GNAS: variants seen among roughly 807,000 people sequenced by gnomAD.
The protein encoded by GNAS is protein ALEX.
GNAS carries 8 observed loss-of-function variants against 54.5 expected under a neutral mutation model. That is an observed-to-expected ratio of 0.15 (90% confidence interval 0.09 to 0.26). The LOEUF is 0.26. Among genes scored for constraint, GNAS ranks in the 10% least tolerant of loss-of-function variants. The pLI is 1.00. For synonymous variants in GNAS, 204 were observed against 191.4 expected (o/e 1.07, Z -0.54); for missense variants, 170 against 529.8 (o/e 0.32, Z 6.67).
At chr20:58,896,628 AAAAAAAG>A (rs2090079839) in intron 2 of GNAS, among the ~76,000 whole-genome samples, 1 of 152,046 alleles carries the variant, frequency 6.6e-6, no homozygotes, top group African/African-American at 2.4e-5. Flanking sequence ...GTGTAAAAAA[AAAAAAAG>A]AAAAAGAAAA....
chr20:58,840,008 A>T (rs1006783741), upstream of GNAS: 1 of 1,392,096 alleles, frequency 7.2e-7, no homozygotes, highest in Non-Finnish European at 1.0e-6. The surrounding 1 kb of genome is among the most constrained non-coding windows in gnomAD (Gnocchi z 6.0). Flanking sequence ...TTCTCACCTC[A>T]TAGGGTGTAC....
chr20:58,892,772 A>G (rs2089599091), intron 1 of GNAS, among the ~76,000 whole-genome samples: 1 of 151,994 alleles, frequency 6.6e-6, no homozygotes, highest in African/African-American at 2.4e-5. Context: ...GTGCCCAGTG[A>G]AGCCAAATGA....
At chr20:58,893,576 T>G (rs1335526000) in intron 1 of GNAS, among the ~76,000 whole-genome samples, 1 of 152,236 alleles carries the variant, frequency 6.6e-6, no homozygotes, top group Non-Finnish European at 1.5e-5. Flanking sequence ...TTTGTTCTCC[T>G]GGGTCCAGAT....
At chr20:58,855,626 G>A in intron 1 of GNAS, 1 of 716,956 alleles carries the variant, frequency 1.4e-6, no homozygotes, top group Non-Finnish European at 2.6e-6. Context: ...ACCGTAAGCT[G>A]GACAGGCAGG....
intron 2 of GNAS, among the ~76,000 whole-genome samples, chr20:58,896,111 C>G (rs2090027985): frequency 6.6e-6 from 1 of 152,160 alleles, no homozygotes; most frequent in African/African-American, 2.4e-5. Flanking sequence ...CCACCTCACG[C>G]AGATTTCAAT....
rs776807458 is a variant in GNAS, at chr20:58,909,600, C to A, written c.718+21C>A. The A allele has an allele frequency of 1.9e-6, 3 of 1,613,954 alleles. No individual in the cohort carries two copies. In the East Asian group the frequency reaches 6.7e-5, roughly 36 times the overall value. On this transcript the variant is annotated intron_variant, in intron 9 of 12. Coordinates refer to ENST00000371085, the MANE Select transcript of GNAS (RefSeq NM_000516.7). This position sits in a 1 kb window ranked among gnomAD's most constrained non-coding sequence, Gnocchi z 7.3. ...CAACGGTAGGATGCTGTGGGCTTGGCTGTTCGTAAAGAACGCTTTGCTTCT... is the reference window on the plus strand; with the variant it reads ...CAACGGTAGGATGCTGTGGGCTTGGATGTTCGTAAAGAACGCTTTGCTTCT...
chr20:58,858,468 T>C (rs558268024), intron 1 of GNAS, among the ~76,000 whole-genome samples: 1 of 152,354 alleles, frequency 6.6e-6, no homozygotes, highest in South Asian at 2.1e-4. Flanking sequence ...TTTTTCTTAC[T>C]CAACACTATC....
chr20:58,905,082 T>G (rs961425814), intron 5 of GNAS, among the ~76,000 whole-genome samples: 1 of 152,162 alleles, frequency 6.6e-6, no homozygotes, highest in Non-Finnish European at 1.5e-5. Context: ...TCCTAAACAA[T>G]TCTGTGAAGA....
intron 1 of GNAS, among the ~76,000 whole-genome samples, chr20:58,844,485 G>C (rs567886346): frequency 6.6e-6 from 1 of 152,150 alleles, no homozygotes; most frequent in Non-Finnish European, 1.5e-5. Context: ...GATCTAAGAC[G>C]AAAGGCCCAG....
upstream of GNAS, chr20:58,890,627 C>T (rs577643511): frequency 3.9e-5 from 6 of 152,272 alleles, no homozygotes; most frequent in African/African-American, 1.4e-4. Flanking sequence ...CCTTCTTCTC[C>T]TACTTGGGCG....
Position 58,891,855 on chromosome 20 carries a change from G to A in GNAS, c.129G>A (p.Leu43=), listed in dbSNP as rs1373907464. 2 of 1,222,974 alleles carry A rather than the reference G, an allele frequency of 1.6e-6. No homozygotes were observed. Among genetic ancestry groups the A allele is most frequent in the South Asian group, 1.5e-5 (1 of 67,388 alleles). The allele number at this position is 1,222,974 out of a possible 1,614,324, so 75.8% of individuals were successfully genotyped here. A position where few individuals can be genotyped will look rare whatever the true frequency, so the allele number is the denominator to read the frequency against. The change falls in exon 1 of 13, where the codon CTG becomes CTA. Residue 43 remains leucine, a synonymous_variant. Transcript: ENST00000371085. ...AGGTCTACCGGGCCACGCACCGCCTGCTGCTGCTGGGTAAGGGCGGGCGGG... is the reference window on the plus strand; with the variant it reads ...AGGTCTACCGGGCCACGCACCGCCTACTGCTGCTGGGTAAGGGCGGGCGGG... ...DKQVYRATHR[L]LLLGAGESGK... is the part of the protein sequence containing the mutation.
intron 1 of GNAS, chr20:58,854,769 G>A (rs890324902): frequency 3.2e-6 from 5 of 1,556,384 alleles, no homozygotes; most frequent in Admixed American, 3.7e-5. Flanking sequence ...TGCCCCAGCC[G>A]CTTCTGCCAC....
chr20:58,890,617 CCTT>C (rs1452182092), upstream of GNAS: 2 of 152,214 alleles, frequency 1.3e-5, no homozygotes, highest in Admixed American at 6.5e-5. Flanking sequence ...CTGGGCTGCG[CCTT>C]CTTCTCCTAC....
chr20:58,850,702 C>T, intron 1 of GNAS: 1 of 398,938 alleles, frequency 2.5e-6, no homozygotes. Context: ...GGTTAGCCTG[C>T]CGCCATCAAC....
intron 1 of GNAS, among the ~76,000 whole-genome samples, chr20:58,886,225 C>G (rs1178186639): frequency 6.6e-6 from 1 of 152,174 alleles, no homozygotes. Context: ...TCATTGTTGT[C>G]AAATATGGAA....
chr20:58,892,551 GCGCCGGAGTC>G, intron 1 of GNAS: 1 of 135,152 alleles, frequency 7.4e-6, no homozygotes, highest in Admixed American at 7.2e-5. Context: ...GGGAGTCGTG[GCGCCGGAGTC>G]GGGAGGGGGG....
intron 1 of GNAS, chr20:58,892,102 C>A (rs1036775720): frequency 4.1e-6 from 4 of 966,326 alleles, no homozygotes; most frequent in Non-Finnish European, 4.9e-6. Flanking sequence ...GGGTCCCCCT[C>A]CCCCGGCCTG....
upstream of GNAS, among the ~76,000 whole-genome samples, chr20:58,890,333 C>T (rs1424689242): frequency 6.6e-6 from 1 of 150,858 alleles, no homozygotes; most frequent in Non-Finnish European, 1.5e-5. Context: ...AGGGCGCCGC[C>T]GCCGGGGGCA....
intron 1 of GNAS, chr20:58,892,123 G>C (rs1398300510): frequency 5.2e-6 from 5 of 967,204 alleles, no homozygotes; most frequent in East Asian, 2.3e-4. Context: ...CCCGCTCAGT[G>C]TCTCTCTCTT....
Sources: allele counts gnomAD v4.1 joint callset (sites outside exome capture counted in the v4.1 genomes callset), GRCh38; gene constraint gnomAD v4.1.1; non-coding constraint Gnocchi (gnomAD v3.1); transcripts MANE v1.5; gene names NCBI Gene and HGNC (gene_info 2026-07-23, HGNC 2026-07-21).